The following KCNH3 variants were observed in gnomAD, a reference collection of about 807,000 sequenced individuals.
The protein encoded by KCNH3 is voltage-gated inwardly rectifying potassium channel KCNH3.
Under a neutral mutation model 95.6 loss-of-function variants are expected in KCNH3, and 36 were observed. The observed-to-expected ratio is 0.38, with a 90% CI of 0.29 to 0.50. The LOEUF (loss-of-function observed/expected upper bound fraction) is 0.50, where lower values mean the gene tolerates loss of function less well. Among genes scored for constraint, KCNH3 ranks in the 20% least tolerant of loss-of-function variants. The probability of loss-of-function intolerance (pLI) is 0.95; values close to 1 mark genes in which losing one functional copy is unlikely to be tolerated. For missense variants in KCNH3, 1,030 were observed against 1,484.1 expected (o/e 0.69, Z 5.03); for synonymous variants, 620 against 646.3 (o/e 0.96, Z 0.62).
rs750047805 is a variant in KCNH3 at position 49,549,526 on chromosome 12, G to T, written c.1554G>T (p.Thr518=). 12 of 1,613,532 alleles carry T rather than the reference G, an allele frequency of 7.4e-6. No homozygotes were observed. In the Admixed American group the frequency reaches 2.0e-4, roughly 27 times the overall value. Residue 518 remains threonine, a synonymous_variant, in exon 9 of 15, where the codon ACG becomes ACT. Coordinates refer to ENST00000257981, the MANE Select transcript of KCNH3 (RefSeq NM_012284.3). Reference sequence around the variant, plus strand: ...GCCGCTTTCTGTACCACAGCCGCACGCGCGACCTGCGCGACTACATCCGCA... The same window carrying T: ...GCCGCTTTCTGTACCACAGCCGCACTCGCGACCTGCGCGACTACATCCGCA... ...YARRFLYHSR[T]RDLRDYIRIH...
At chr12:49,556,738 C>T (rs1294880991) in intron 13 of KCNH3, 2 of 685,606 alleles carry the variant, frequency 2.9e-6, no homozygotes, top group East Asian at 5.6e-5. Context: ...CTTCTCTGGC[C>T]CCAGCTTCCT....
chr12:49,551,896 G>T (rs1938276921), intron 10 of KCNH3, among the ~76,000 whole-genome samples: 2 of 152,360 alleles, frequency 1.3e-5, no homozygotes, highest in South Asian at 2.1e-4. Flanking sequence ...CGCAGCTACT[G>T]TGTGTCCATC....
chr12:49,539,350 G>A lies in KCNH3; in HGVS notation c.-67G>A. On this transcript the variant is annotated 5_prime_UTR_variant, in exon 1 of 15. Coordinates refer to ENST00000257981, the MANE Select transcript of KCNH3 (RefSeq NM_012284.3). This position sits in a 1 kb window ranked among gnomAD's most constrained non-coding sequence, Gnocchi z 6.7. ...GCCCGGCGGGGGGCGGCCGAGCTGG[G>A]CGCCCTCCCCCGGCGCGGAGTCCCC... 1 of 1,058,898 alleles carries A rather than the reference G, an allele frequency of 9.4e-7. No individual in the cohort carries two copies. The highest frequency in any genetic ancestry group is 2.7e-5 in the South Asian group (1 of 36,812). The allele number at this position is 1,058,898 out of a possible 1,614,324, so 65.6% of individuals were successfully genotyped here.
In KCNH3 at chr12:49,541,007, A is replaced by G; in HGVS notation, c.185A>G (p.Gln62Arg). 1.2e-6 allele frequency: 2 copies of G among 1,614,144 alleles called. No homozygotes were observed. The highest frequency in any genetic ancestry group is 8.5e-7 in the Non-Finnish European group (1 of 1,180,032). ...LTGFSRAEVM[Q>R]RGCACSFLYG... is the part of the protein sequence containing the mutation. Reference sequence around the variant, plus strand: ...GGCTTCTCCCGGGCTGAGGTCATGCAGCGGGGCTGTGCCTGCTCCTTCCTT... The same window carrying G: ...GGCTTCTCCCGGGCTGAGGTCATGCGGCGGGGCTGTGCCTGCTCCTTCCTT... Residue 62 changes from glutamine (Q) to arginine (R), a missense_variant, in exon 2 of 15, where the codon CAG (glutamine) becomes CGG (arginine). Around this residue, in one of 9 missense-constraint regions of KCNH3, gnomAD observed 63 missense variants for 107.7 expected, o/e 0.59. Coordinates refer to ENST00000257981, the MANE Select transcript of KCNH3 (RefSeq NM_012284.3).
intron 3 of KCNH3, 44 bp downstream of exon 3, chr12:49,541,808 G>C: frequency 6.2e-7 from 1 of 1,606,254 alleles, no homozygotes; most frequent in African/African-American, 1.3e-5. Flanking sequence ...GGGTGCCGCA[G>C]GCCCGGGCGG....
Position 49,544,201 on chromosome 12 carries a change from G to T in KCNH3, c.1008G>T (p.Thr336=). The change falls in exon 7 of 15, where the codon ACG becomes ACT. Residue 336 remains threonine, a synonymous_variant. Coordinates refer to ENST00000257981, the MANE Select transcript of KCNH3 (RefSeq NM_012284.3). ...NVYFGAHLLK[T]VRLLRLLRLL... ...ACTTCGGGGCCCATCTGCTGAAGAC[G>T]GTGCGCCTGCTGCGCCTGCTGCGCC... 6.9e-7 allele frequency: 1 copy of T among 1,449,982 alleles called. No individual in the cohort carries two copies. Among genetic ancestry groups the T allele is most frequent in the Non-Finnish European group, 9.2e-7 (1 of 1,082,566 alleles). The allele number at this position is 1,449,982 out of a possible 1,614,324, so 89.8% of individuals were successfully genotyped here. A position where few individuals can be genotyped will look rare whatever the true frequency, so the allele number is the denominator to read the frequency against.
In KCNH3 at chr12:49,557,346, C is replaced by A. The variant is rs762394991; in HGVS notation, c.2653-8C>A. On this transcript the variant is annotated splice_region_variant and splice_polypyrimidine_tract_variant and intron_variant, in intron 14 of 14. Coordinates refer to ENST00000257981, the MANE Select transcript of KCNH3 (RefSeq NM_012284.3). Reference sequence around the variant, plus strand: ...CCATTCTGACCTCGCCTCCTCCCTCCCCCAAAGGTGACAGAGCTGTCAGAG... The same window carrying A: ...CCATTCTGACCTCGCCTCCTCCCTCACCCAAAGGTGACAGAGCTGTCAGAG... The A allele has an allele frequency of 3.6e-5, 58 of 1,608,904 alleles. No individual in the cohort carries two copies. Among genetic ancestry groups the A allele is most frequent in the Non-Finnish European group, 2.5e-6 (3 of 1,176,490 alleles).
In KCNH3 at chr12:49,549,612, C is replaced by T. The variant is rs1435613999; in HGVS notation, c.1640C>T (p.Ala547Val). The part of the protein sequence containing the change: ...RMLEYFQATW[A>V]VNNGIDTTEL... ...CTGGAGTACTTCCAGGCCACCTGGG[C>T]GGTGAACAATGGCATCGACACCACC... The change falls in exon 9 of 15, where the codon GCG becomes GTG. Residue 547 changes from alanine to valine, a missense_variant. Around this residue, in one of 9 missense-constraint regions of KCNH3, gnomAD observed 160 missense variants for 316.2 expected, o/e 0.51. Transcript: ENST00000257981. The T allele has an allele frequency of 1.9e-6, 3 of 1,611,152 alleles. No individual in the cohort carries two copies. The highest frequency in any genetic ancestry group is 3.3e-5 in the Admixed American group (2 of 60,018).
chr12:49,555,129 G>A (rs532304696), intron 11 of KCNH3, among the ~76,000 whole-genome samples: 2 of 152,202 alleles, frequency 1.3e-5, no homozygotes, highest in South Asian at 2.1e-4. Flanking sequence ...GGTGGCTTTA[G>A]ATAGATTATA....
Position 49,557,347 on chromosome 12 carries a change from C to A in KCNH3, c.2653-7C>A, listed in dbSNP as rs1174715849. On this transcript the variant is annotated splice_region_variant and splice_polypyrimidine_tract_variant and intron_variant, in intron 14 of 14. Coordinates refer to ENST00000257981, the MANE Select transcript of KCNH3 (RefSeq NM_012284.3). ...CATTCTGACCTCGCCTCCTCCCTCC[C>A]CCAAAGGTGACAGAGCTGTCAGAGC... 2 of 1,608,950 alleles carry A rather than the reference C, an allele frequency of 1.2e-6. No homozygotes were observed. The highest frequency in any genetic ancestry group is 1.7e-6 in the Non-Finnish European group (2 of 1,176,444).
chr12:49,548,331 G>A (rs1592503850), intron 7 of KCNH3, among the ~76,000 whole-genome samples: 1 of 152,176 alleles, frequency 6.6e-6, no homozygotes, highest in South Asian at 2.1e-4. Flanking sequence ...TTGACTGTGT[G>A]GGGCACACAC....
In KCNH3 at chr12:49,555,907, G is replaced by A. The variant is rs755829145; in HGVS notation, c.2424G>A (p.Arg808=). The A allele has an allele frequency of 5.0e-6, 8 of 1,590,174 alleles. No homozygotes were observed. The highest frequency in any genetic ancestry group is 6.0e-6 in the Non-Finnish European group (7 of 1,165,086). ...SAPPRALEGL[R]LPPMPWNVPP... ...CCCCACGGGCCCTAGAGGGGCTACG[G>A]CTGCCCCCCATGCCATGGAATGTGC... The change falls in exon 12 of 15, where the codon CGG becomes CGA. Residue 808 remains arginine (R), a synonymous_variant. Transcript: ENST00000257981.
chr12:49,542,609 C>G lies in KCNH3; in HGVS notation c.446-97C>G, dbSNP rs149254827. On this transcript the variant is annotated intron_variant, in intron 3 of 14. Coordinates refer to ENST00000257981, the MANE Select transcript of KCNH3 (RefSeq NM_012284.3). ...CATTCTAAGTGGTCAATGAGCCAGA[C>G]CAGTCCATGGGCCAGCAACTGTGTC... The G allele has an allele frequency of 2.4e-4, 335 of 1,382,014 alleles. No individual in the cohort carries two copies. The East Asian group carries it at 8.1e-3, about 33-fold the overall frequency. 85.6% of individuals were successfully genotyped at this position (1,382,014 alleles called of 1,614,324 possible). A position where few individuals can be genotyped will look rare whatever the true frequency, so the allele number is the denominator to read the frequency against.
At chr12:49,540,807 C>T in intron 1 of KCNH3, 92 bp from the exon 2 acceptor site, 1 of 1,032,826 alleles carries the variant, frequency 9.7e-7, no homozygotes, top group Non-Finnish European at 1.5e-6. Context: ...TTTGGAAAAC[C>T]CACTCTTTGG....
intron 10 of KCNH3, among the ~76,000 whole-genome samples, chr12:49,551,434 G>A (rs1052024877): frequency 6.6e-6 from 1 of 151,900 alleles, no homozygotes; most frequent in African/African-American, 2.4e-5. Context: ...AAATTAGCCG[G>A]GTGTGGTGGT....
Position 49,539,855 on chromosome 12 carries a change from G to A in KCNH3, c.76+363G>A, listed in dbSNP as rs1402557133. ...CGGACTGGTGGGGTAAGGCGAGGCG[G>A]GTGAACAGTGCTCAGGGACAGCTGA... On this transcript the variant is annotated intron_variant, in intron 1 of 14. Coordinates refer to ENST00000257981, the MANE Select transcript of KCNH3 (RefSeq NM_012284.3). This position sits in a 1 kb window ranked among gnomAD's most constrained non-coding sequence, Gnocchi z 6.7. Among the ~76,000 whole-genome samples, 1 of 152,200 alleles carries A rather than the reference G, an allele frequency of 6.6e-6. No homozygotes were observed. The highest frequency in any genetic ancestry group is 1.5e-5 in the Non-Finnish European group (1 of 68,032).
intron 5 of KCNH3, 189 bp from the exon 6 acceptor site, chr12:49,543,726 C>G: frequency 2.0e-6 from 2 of 1,021,930 alleles, no homozygotes; most frequent in Non-Finnish European, 2.8e-6. Context: ...CTCTGAGCCT[C>G]CATAAAATAG....
chr12:49,543,014 C>A (rs1384038538), intron 4 of KCNH3, among the ~76,000 whole-genome samples, 175 bp downstream of exon 4: 1 of 152,208 alleles, frequency 6.6e-6, no homozygotes, highest in East Asian at 1.9e-4. Flanking sequence ...AGAAGAAAGT[C>A]CTGGCCTGGG....
At chr12:49,550,048 A>ACCCCCC in intron 9 of KCNH3, 32 bp from the exon 10 acceptor site, 9 of 800,674 alleles carry the variant, frequency 1.1e-5, no homozygotes, top group South Asian at 1.5e-5. Context: ...GCCACTCCCA[A>ACCCCCC]CCCCCCCACC....
Sources: allele counts gnomAD v4.1 joint callset (sites outside exome capture counted in the v4.1 genomes callset), GRCh38; gene constraint gnomAD v4.1.1; regional missense constraint gnomAD v4.1.1; non-coding constraint Gnocchi (gnomAD v3.1); transcripts MANE v1.5; gene names NCBI Gene and HGNC (gene_info 2026-07-23, HGNC 2026-07-21).